The following NFE2L2 variants were observed in gnomAD, a reference collection of about 807,000 sequenced individuals.
The protein encoded by NFE2L2 is nuclear factor erythroid 2-related factor 2.
In NFE2L2, 20 loss-of-function variants were observed where a neutral mutation model predicts 49.6. The observed-to-expected ratio is 0.40, with a 90% CI of 0.28 to 0.59. NFE2L2 has a LOEUF of 0.59. Among genes scored for constraint, NFE2L2 ranks in the 20% least tolerant of loss-of-function variants. The probability of loss-of-function intolerance (pLI) is 0.40; values close to 1 mark genes in which losing one functional copy is unlikely to be tolerated. For synonymous variants in NFE2L2, 244 were observed against 256.5 expected, an observed-to-expected ratio of 0.95 and a Z score of 0.47; for missense variants, 578 against 714.2, an observed-to-expected ratio of 0.81 and a Z score of 2.17.
intron 1 of NFE2L2, among the ~76,000 whole-genome samples, chr2:177,247,038 A>T (rs535587964): frequency 6.6e-6 from 1 of 152,300 alleles, no homozygotes; most frequent in East Asian, 1.9e-4. Context: ...TGCTATAATG[A>T]ATATCCTTGT....
At chr2:177,242,426 TACAC>T (rs1209170355) in intron 1 of NFE2L2, among the ~76,000 whole-genome samples, 1 of 152,196 alleles carries the variant, frequency 6.6e-6, no homozygotes, top group African/African-American at 2.4e-5. Context: ...AAAGCCCAAA[TACAC>T]ACAAAGACGT....
Position 177,258,455 on chromosome 2 carries a change from T to C in NFE2L2, c.45+6077A>G, listed in dbSNP as rs531324875. 1.4e-3 allele frequency among the ~76,000 whole-genome samples: 214 copies of C among 151,840 alleles called. 2 individuals carry two copies. Among genetic ancestry groups the C allele is most frequent in the African/African-American group, 5.0e-3 (205 of 41,408 alleles). Reference sequence around the variant, plus strand: ...AGGGGCCAGGAGAGTTGAGGGGAAATGGGAAGTGACTGCTAATGGATATGG... The same window carrying C: ...AGGGGCCAGGAGAGTTGAGGGGAAACGGGAAGTGACTGCTAATGGATATGG... On this transcript the variant is annotated intron_variant, in intron 1 of 4. Coordinates refer to ENST00000397062, the MANE Select transcript of NFE2L2 (RefSeq NM_006164.5).
At chr2:177,261,416 C>G (rs1361809347) in intron 1 of NFE2L2, among the ~76,000 whole-genome samples, 3 of 152,188 alleles carry the variant, frequency 2.0e-5, no homozygotes, top group Non-Finnish European at 4.4e-5. Context: ...ATAGGCAAAT[C>G]TCAACTTACC....
chr2:177,231,826 G>A lies in NFE2L2; in HGVS notation c.777C>T (p.Ser259=), dbSNP rs1484369696. The A allele has an allele frequency of 6.2e-7, 1 of 1,614,186 alleles. No individual in the cohort carries two copies. Among genetic ancestry groups the A allele is most frequent in the Non-Finnish European group, 8.5e-7 (1 of 1,180,012 alleles). Residue 259 remains serine, a synonymous_variant, in exon 5 of 5, where the codon TCC becomes TCT. Transcript: ENST00000397062. ...AFEDSFSSIL[S]TEDPNQLTVN... is the part of the protein sequence containing the mutation. ...CTGTCAACTGGTTGGGGTCTTCTGT[G>A]GAGAGGATGCTGCTGAAGGAATCCT...
rs918822962 is a variant in NFE2L2 at position 177,232,097 on chromosome 2, T to C, written c.595-89A>G. The C allele has an allele frequency of 8.1e-6, 10 of 1,237,990 alleles. No homozygotes were observed. The African/African-American group carries it at 1.5e-4, about 19-fold the overall frequency. 76.7% of individuals were successfully genotyped at this position (1,237,990 alleles called of 1,614,324 possible). The stretch of plus-strand genomic sequence containing the variant: ...TTAGATAAACTCCCTACCCACATTA[T>C]CTTCAGGCTTATCTCTATAATTTAT... On this transcript the variant is annotated intron_variant, in intron 4 of 4. Transcript: ENST00000397062.
rs866928707 is a variant in NFE2L2, at chr2:177,264,684, G to A, written c.-108C>T. The A allele has an allele frequency of 6.7e-6, 7 of 1,045,514 alleles. No individual in the cohort carries two copies. In the African/African-American group the frequency reaches 6.7e-5, roughly 10 times the overall value. The allele number at this position is 1,045,514 out of a possible 1,614,324, so 64.8% of individuals were successfully genotyped here. A position where few individuals can be genotyped will look rare whatever the true frequency, so the allele number is the denominator to read the frequency against. On this transcript the variant is annotated 5_prime_UTR_variant, in exon 1 of 5. Transcript: ENST00000397062. ...TGGTGGCGGCGGCGGCGGCGGTGGC[G>A]GCTGCGTCGGCGGCTCCTCCGGGCT...
At chr2:177,246,208 C>T (rs1690122611) in intron 1 of NFE2L2, among the ~76,000 whole-genome samples, 1 of 152,086 alleles carries the variant, frequency 6.6e-6, no homozygotes, top group South Asian at 2.1e-4. Flanking sequence ...CGTAACTTGC[C>T]TAAAGAGAGC....
At chr2:177,232,807 T>G in intron 3 of NFE2L2, 1 of 536,292 alleles carries the variant, frequency 1.9e-6, no homozygotes, top group Non-Finnish European at 3.3e-6. Flanking sequence ...GAAAGTAAAC[T>G]TTAAAATGCG....
chr2:177,264,640 G>A lies in NFE2L2; in HGVS notation c.-64C>T. The A allele has an allele frequency of 7.3e-7, 1 of 1,378,330 alleles. No homozygotes were observed. Among genetic ancestry groups the A allele is most frequent in the Non-Finnish European group, 9.5e-7 (1 of 1,051,056 alleles). The allele number at this position is 1,378,330 out of a possible 1,614,324, so 85.4% of individuals were successfully genotyped here. ...GGCCCTGTTCCGGCTGCCGAGGCGC[G>A]GCGCGGACAGGGCGGCTCTGGTGGC... On this transcript the variant is annotated 5_prime_UTR_variant, in exon 1 of 5. Coordinates refer to ENST00000397062, the MANE Select transcript of NFE2L2 (RefSeq NM_006164.5).
rs1689589107 is a variant in NFE2L2, at chr2:177,232,481, C to T, written c.505G>A (p.Val169Ile). 3.1e-6 allele frequency: 5 copies of T among 1,614,054 alleles called. No homozygotes were observed. Among genetic ancestry groups the T allele is most frequent in the South Asian group, 1.1e-5 (1 of 91,086 alleles). The change falls in exon 4 of 5, where the codon GTT becomes ATT. Residue 169 changes from valine (V) to isoleucine (I), a missense_variant. By Grantham distance (29) the Val-to-Ile change is conservative (BLOSUM62 3). Around this residue, in one of 3 missense-constraint regions of NFE2L2, gnomAD observed 368 missense variants for 384.6 expected, o/e 0.96. Transcript: ENST00000397062. ...AAATCAACAGGGGCTACCTGAGCAA[C>T]AGAAGTTTCAGGTGACTGAGCCTGA... ...TNQAQSPETS[V>I]AQVAPVDLDG...
At chr2:177,239,609 C>A (rs998435107) in intron 1 of NFE2L2, among the ~76,000 whole-genome samples, 1 of 151,936 alleles carries the variant, frequency 6.6e-6, no homozygotes, top group Non-Finnish European at 1.5e-5. Context: ...CCCAGGAGGT[C>A]GAGGCTGCAG....
chr2:177,235,188 G>A (rs1171784751), intron 1 of NFE2L2, among the ~76,000 whole-genome samples: 1 of 152,112 alleles, frequency 6.6e-6, no homozygotes, highest in Non-Finnish European at 1.5e-5. Context: ...CACTTTGGGA[G>A]GCTGAGGCAG....
At chr2:177,237,717 C>T (rs932464372) in intron 1 of NFE2L2, among the ~76,000 whole-genome samples, 1 of 152,104 alleles carries the variant, frequency 6.6e-6, no homozygotes, top group Non-Finnish European at 1.5e-5. Context: ...CAGGATTTCG[C>T]CATGTTGGCC....
intron 1 of NFE2L2, among the ~76,000 whole-genome samples, chr2:177,262,987 A>G (rs749267146): frequency 1.1e-4 from 16 of 152,250 alleles, no homozygotes; most frequent in Non-Finnish European, 1.6e-4. Context: ...CATTGTCCAT[A>G]ACTTAAAACT....
intron 1 of NFE2L2, among the ~76,000 whole-genome samples, chr2:177,262,535 T>C (rs186972464): frequency 3.5e-4 from 54 of 152,376 alleles, no homozygotes; most frequent in African/African-American, 1.2e-3. Context: ...AACAATCTAA[T>C]ATGAATCATA....
intron 1 of NFE2L2, among the ~76,000 whole-genome samples, chr2:177,246,605 T>C (rs547479513): frequency 4.0e-5 from 6 of 150,558 alleles, no homozygotes; most frequent in Admixed American, 1.3e-4. Flanking sequence ...TTTTCTTTTT[T>C]TTCTTTTTTT....
intron 1 of NFE2L2, among the ~76,000 whole-genome samples, chr2:177,257,442 A>T (rs1690565632): frequency 6.6e-6 from 1 of 152,220 alleles, no homozygotes; most frequent in South Asian, 2.1e-4. Context: ...CAGGTTATAT[A>T]TATTTAGTGA....
chr2:177,262,644 C>T (rs1690780628), intron 1 of NFE2L2, among the ~76,000 whole-genome samples: 1 of 152,142 alleles, frequency 6.6e-6, no homozygotes, highest in Non-Finnish European at 1.5e-5. Context: ...TTTTATCAAA[C>T]GTAATTGGAA....
intron 1 of NFE2L2, among the ~76,000 whole-genome samples, chr2:177,234,718 T>TTA (rs1235151279): frequency 6.6e-6 from 1 of 152,202 alleles, no homozygotes; most frequent in Non-Finnish European, 1.5e-5. Flanking sequence ...AATATCCAGT[T>TTA]TATAGAGGGA....
Sources: gnomAD v4.1 joint callset for allele counts (sites outside exome capture counted in the v4.1 genomes callset) on GRCh38, gnomAD v4.1.1 for gene constraint, gnomAD v4.1.1 regional missense constraint, MANE v1.5 for transcripts, NCBI Gene and HGNC (gene_info 2026-07-23, HGNC 2026-07-21) for gene names.